PCDHGA9: variants seen among roughly 807,000 people sequenced by gnomAD.
The protein encoded by PCDHGA9 is protocadherin gamma-A9.
Under a neutral mutation model 62.5 loss-of-function variants are expected in PCDHGA9, and 37 were observed. The observed-to-expected ratio is 0.59, with a 90% CI of 0.46 to 0.78. The LOEUF is 0.78. Among genes scored for constraint, PCDHGA9 ranks in the 30% least tolerant of loss-of-function variants. The probability of loss-of-function intolerance (pLI) is 0.00; values close to 1 mark genes in which losing one functional copy is unlikely to be tolerated. For missense variants in PCDHGA9, 1,138 were observed against 1,166.2 expected, an observed-to-expected ratio of 0.98 and a Z score of 0.35; for synonymous variants, 459 against 484.6, an observed-to-expected ratio of 0.95 and a Z score of 0.69.
chr5:141,505,653 G>A (rs1049630228), intron 3 of PCDHGA9, among the ~76,000 whole-genome samples, 172 bp downstream of exon 3: 1 of 152,184 alleles, frequency 6.6e-6, no homozygotes, highest in Non-Finnish European at 1.5e-5. Context: ...TTGTGGCTAA[G>A]GAACAGCAGA....
Position 141,487,870 on chromosome 5 carries a change from C to A in PCDHGA9, c.2425-6937C>A. On this transcript the variant is annotated intron_variant, in intron 1 of 3. Transcript: ENST00000573521. This position sits in a 1 kb window ranked among gnomAD's most constrained non-coding sequence, Gnocchi z 5.0. ...AATGAAAGTAATTGGTGATCAAGAGCCAGGCTGTTGTGGAAGCATGATGAT... is the reference window on the plus strand; with the variant it reads ...AATGAAAGTAATTGGTGATCAAGAGACAGGCTGTTGTGGAAGCATGATGAT... 3.5e-6 allele frequency: 3 copies of A among 865,052 alleles called. No individual in the cohort carries two copies. The highest frequency in any genetic ancestry group is 5.3e-6 in the Non-Finnish European group (3 of 568,628). The allele number at this position is 865,052 out of a possible 1,614,324, so 53.6% of individuals were successfully genotyped here.
chr5:141,495,424 A>C (rs927637242), intron 2 of PCDHGA9, among the ~76,000 whole-genome samples: 1 of 152,088 alleles, frequency 6.6e-6, no homozygotes, highest in African/African-American at 2.4e-5. Context: ...CCCTCCTCCC[A>C]CTGTCCTCTG....
At chr5:141,492,240 C>T (rs1031016944) in intron 1 of PCDHGA9, among the ~76,000 whole-genome samples, 1 of 152,242 alleles carries the variant, frequency 6.6e-6, no homozygotes, top group African/African-American at 2.4e-5. Flanking sequence ...CTGCTGGCCA[C>T]CCCCACGGCC....
In PCDHGA9 at chr5:141,403,891, A is replaced by T. The variant is rs779525294; in HGVS notation, c.939A>T (p.Ser313=). ...TAKSLDYEEC[S]FYEMEIQAED... The stretch of plus-strand genomic sequence containing the variant: ...AAAGTCTAGATTATGAAGAATGTTC[A>T]TTTTATGAAATGGAAATACAAGCTG... The change falls in exon 1 of 4, where the codon TCA becomes TCT. Residue 313 remains serine (S), a synonymous_variant. Transcript: ENST00000573521. The T allele has an allele frequency of 1.1e-5, 17 of 1,613,752 alleles. No individual in the cohort carries two copies. Among genetic ancestry groups the T allele is most frequent in the Admixed American group, 1.0e-4 (6 of 60,002 alleles).
rs1216200329 is a variant in PCDHGA9, at chr5:141,491,485, C to G, written c.2425-3322C>G. ...CTTCTATAAGCAGTCCAGCCCCAAC[C>G]TGCAGGTGAGCTCGGACGGCACGCT... On this transcript the variant is annotated intron_variant, in intron 1 of 3. Coordinates refer to ENST00000573521, the MANE Select transcript of PCDHGA9 (RefSeq NM_018921.3). This position sits in a 1 kb window ranked among gnomAD's most constrained non-coding sequence, Gnocchi z 6.9. 6.2e-7 allele frequency: 1 copy of G among 1,614,148 alleles called. No individual in the cohort carries two copies. The highest frequency in any genetic ancestry group is 1.3e-5 in the African/African-American group (1 of 75,064).
chr5:141,438,754 T>C (rs1213047429), intron 1 of PCDHGA9, among the ~76,000 whole-genome samples: 3 of 148,368 alleles, frequency 2.0e-5, no homozygotes, highest in African/African-American at 5.0e-5. Context: ...CTCTGCCTCC[T>C]GGGTTCAAGC....
chr5:141,414,613 G>A (rs957641063), intron 1 of PCDHGA9: 2 of 1,613,988 alleles, frequency 1.2e-6, no homozygotes, highest in East Asian at 4.5e-5. Flanking sequence ...CTCAGTGACA[G>A]CGCTGGACCC....
Position 141,476,115 on chromosome 5 carries a change from A to G in PCDHGA9, c.2425-18692A>G. 1 of 1,592,814 alleles carries G rather than the reference A, an allele frequency of 6.3e-7. No homozygotes were observed. The highest frequency in any genetic ancestry group is 8.5e-7 in the Non-Finnish European group (1 of 1,171,734). On this transcript the variant is annotated intron_variant, in intron 1 of 3. Coordinates refer to ENST00000573521, the MANE Select transcript of PCDHGA9 (RefSeq NM_018921.3). This position sits in a 1 kb window ranked among gnomAD's most constrained non-coding sequence, Gnocchi z 7.6. ...CGCTGAGAGGAACTGCTTTTGAGTG[A>G]GATGGTCCCAGAGGCCTGGAGGAGC...
chr5:141,497,125 G>A (rs968031174), intron 2 of PCDHGA9, among the ~76,000 whole-genome samples: 1 of 152,094 alleles, frequency 6.6e-6, no homozygotes, highest in South Asian at 2.1e-4. Context: ...GGCAGAGGTT[G>A]CAGTGAGCTG....
At chr5:141,468,924 C>G (rs1434433938) in intron 1 of PCDHGA9, among the ~76,000 whole-genome samples, 1 of 150,520 alleles carries the variant, frequency 6.6e-6, no homozygotes, top group Non-Finnish European at 1.5e-5. Context: ...GAGAATAGCA[C>G]TAAAATGGGA....
intron 1 of PCDHGA9, among the ~76,000 whole-genome samples, chr5:141,492,221 G>C (rs62379206): frequency 0.18 from 27,189 of 152,134 alleles, 2,633 homozygotes; most frequent in Admixed American, 0.28. Context: ...GGGCTCATGC[G>C]TGTCCTCCCT....
Position 141,490,869 on chromosome 5 carries a change from A to AT in PCDHGA9, c.2425-3936dup. 1.2e-6 allele frequency: 2 copies of AT among 1,613,902 alleles called. No individual in the cohort carries two copies. Among genetic ancestry groups the AT allele is most frequent in the Non-Finnish European group, 8.5e-7 (1 of 1,179,954 alleles). ...GGGTTCGAGACTCCGGCTCTCCCCC[A>AT]TTGCATGCCAACACATCTCTGCATG... On this transcript the variant is annotated intron_variant, in intron 1 of 3. Coordinates refer to ENST00000573521, the MANE Select transcript of PCDHGA9 (RefSeq NM_018921.3). This position sits in a 1 kb window ranked among gnomAD's most constrained non-coding sequence, Gnocchi z 5.4.
At chr5:141,444,692 T>G (rs531452351) in intron 1 of PCDHGA9, among the ~76,000 whole-genome samples, 1 of 152,360 alleles carries the variant, frequency 6.6e-6, no homozygotes, top group South Asian at 2.1e-4. Context: ...TTAAAAATAT[T>G]TTCCTCTTTC....
At chr5:141,413,625 C>A (rs372855865) in intron 1 of PCDHGA9, 22 of 1,613,734 alleles carry the variant, frequency 1.4e-5, no homozygotes, top group Non-Finnish European at 1.9e-5. Flanking sequence ...ATGAAAATGT[C>A]GCTGCGGGAA....
chr5:141,426,805 A>G (rs1222690899), intron 1 of PCDHGA9: 2 of 456,720 alleles, frequency 4.4e-6, no homozygotes, highest in African/African-American at 2.0e-5. Flanking sequence ...CTCAGTTCTA[A>G]TGAACATTTC....
chr5:141,422,580 C>T (rs1310564205), intron 1 of PCDHGA9: 10 of 1,613,934 alleles, frequency 6.2e-6, no homozygotes, highest in Non-Finnish European at 8.5e-6. Flanking sequence ...ATAACCCTCC[C>T]GTTTTTCCTC....
Position 141,486,563 on chromosome 5 carries a change from G to T in PCDHGA9, c.2425-8244G>T, listed in dbSNP as rs558244990. Reference sequence around the variant, plus strand: ...CTTTCAGAGGTCACATGAGGTGTTTGTTCCTGAGAACAATCGCCCAGGGGA... The same window carrying T: ...CTTTCAGAGGTCACATGAGGTGTTTTTTCCTGAGAACAATCGCCCAGGGGA... On this transcript the variant is annotated intron_variant, in intron 1 of 3. Transcript: ENST00000573521. The surrounding 1 kb of genome is among the most constrained non-coding windows in gnomAD (Gnocchi z 5.0). The T allele has an allele frequency of 4.3e-6, 7 of 1,614,006 alleles. No individual in the cohort carries two copies. The highest frequency in any genetic ancestry group is 4.0e-5 in the African/African-American group (3 of 75,054).
In PCDHGA9 at chr5:141,511,318, A is replaced by C; in HGVS notation, c.*145A>C. 2 of 1,476,400 alleles carry C rather than the reference A, an allele frequency of 1.4e-6. No homozygotes were observed. Among genetic ancestry groups the C allele is most frequent in the South Asian group, 2.7e-5 (2 of 72,796 alleles). 91.5% of individuals were successfully genotyped at this position (1,476,400 alleles called of 1,614,324 possible). On this transcript the variant is annotated 3_prime_UTR_variant, in exon 4 of 4. Transcript: ENST00000573521. The stretch of plus-strand genomic sequence containing the variant: ...GCCATGCTCCCCTTGGGAAACAGAA[A>C]CAAGTGCCCAGTCAGCACCTACCCC...
chr5:141,430,952 C>T, intron 1 of PCDHGA9: 2 of 1,610,382 alleles, frequency 1.2e-6, no homozygotes, highest in Non-Finnish European at 1.7e-6. Flanking sequence ...GCGCGGAGTC[C>T]GCATCATCCC....
Sources: gnomAD v4.1 joint callset for allele counts (sites outside exome capture counted in the v4.1 genomes callset) on GRCh38, gnomAD v4.1.1 for gene constraint, Gnocchi (gnomAD v3.1) non-coding constraint, MANE v1.5 for transcripts, NCBI Gene and HGNC (gene_info 2026-07-23, HGNC 2026-07-21) for gene names.